RNF220: variants seen among roughly 807,000 people sequenced by gnomAD.
RNF220 encodes ring finger protein 220, also known as E3 ubiquitin-protein ligase RNF220.
RNF220 carries 7 observed loss-of-function variants against 67.1 expected under a neutral mutation model. The ratio of observed to expected loss-of-function variants is 0.10; its 90% CI spans 0.06 to 0.20. The LOEUF (loss-of-function observed/expected upper bound fraction) is 0.20. RNF220 is among the 10% of genes least tolerant of loss of function. The pLI is 1.00. For missense variants in RNF220, 565 were observed against 740.3 expected (o/e 0.76, Z 2.75); for synonymous variants, 270 against 283.2 (o/e 0.95, Z 0.47).
intron 2 of RNF220, among the ~76,000 whole-genome samples, chr1:44,490,994 A>G (rs12077680): frequency 0.027 from 4,082 of 152,302 alleles, 167 homozygotes; most frequent in African/African-American, 0.093. Context: ...AGATAAAATG[A>G]ACAAATTTCT....
At chr1:44,459,982 T>C (rs1367826973) in intron 2 of RNF220, among the ~76,000 whole-genome samples, 4 of 152,082 alleles carry the variant, frequency 2.6e-5, no homozygotes, top group African/African-American at 9.7e-5. Context: ...ATTAGTCTAT[T>C]TGAAAGATGA....
intron 2 of RNF220, among the ~76,000 whole-genome samples, chr1:44,432,018 T>C (rs538738407): frequency 2.0e-4 from 30 of 152,310 alleles, no homozygotes; most frequent in African/African-American, 7.2e-4. Context: ...CTCTGTAATA[T>C]TGGCTGCAAC....
At chr1:44,480,275 T>C (rs1655674286) in intron 2 of RNF220, among the ~76,000 whole-genome samples, 3 of 151,914 alleles carry the variant, frequency 2.0e-5, no homozygotes. Context: ...GGTGTGATGG[T>C]GCATGCCTGT....
At chr1:44,444,083 T>A (rs544712464) in intron 2 of RNF220, among the ~76,000 whole-genome samples, 4 of 152,238 alleles carry the variant, frequency 2.6e-5, no homozygotes, top group Non-Finnish European at 5.9e-5. Context: ...AGAGCAAGAC[T>A]CCGTCTCAAA....
chr1:44,425,194 A>C (rs187189310), intron 2 of RNF220, among the ~76,000 whole-genome samples: 229 of 152,260 alleles, frequency 1.5e-3, no homozygotes, highest in African/African-American at 5.4e-3. Flanking sequence ...GGGTACCTGC[A>C]CAGTAGGGGA....
intron 2 of RNF220, among the ~76,000 whole-genome samples, chr1:44,435,908 T>C (rs1650916959): frequency 6.6e-6 from 1 of 151,540 alleles, no homozygotes; most frequent in South Asian, 2.1e-4. Context: ...GGTGACAGAC[T>C]GAGACTCCAT....
In RNF220 at chr1:44,631,483, G is replaced by A. The variant is rs142065113; in HGVS notation, c.907-860G>A. 3.2e-3 allele frequency among the ~76,000 whole-genome samples: 482 copies of A among 152,346 alleles called. 4 individuals are homozygous for A. The highest frequency in any genetic ancestry group is 0.011 in the African/African-American group (467 of 41,580). On this transcript the variant is annotated intron_variant, in intron 5 of 14. Coordinates refer to ENST00000361799, the MANE Select transcript of RNF220 (RefSeq NM_018150.4). ...GGAAGGCCTCTGTTTGGAGGATACT[G>A]AGTTCCATGTTGGCCATGTTGGCCG...
At chr1:44,494,044 TA>T (rs1229064133) in intron 2 of RNF220, among the ~76,000 whole-genome samples, 1 of 151,784 alleles carries the variant, frequency 6.6e-6, no homozygotes, top group Non-Finnish European at 1.5e-5. Context: ...CCATCTCTAC[TA>T]AAAATACAAA....
rs530965143 is a variant in RNF220, at chr1:44,582,789, C to G, written c.626-31376C>G. On this transcript the variant is annotated intron_variant, in intron 2 of 14. Coordinates refer to ENST00000361799, the MANE Select transcript of RNF220 (RefSeq NM_018150.4). ...AAAAAAAAAAGGCACTTTGGGAGGC[C>G]GAGGCGGGTGGATCACCTGAGGTCA... 3.3e-4 allele frequency among the ~76,000 whole-genome samples: 50 copies of G among 149,368 alleles called. 1 individual carries two copies. The South Asian group carries it at 4.7e-3, about 14-fold the overall frequency.
At chr1:44,447,846 C>T (rs1652260822) in intron 2 of RNF220, among the ~76,000 whole-genome samples, 1 of 152,212 alleles carries the variant, frequency 6.6e-6, no homozygotes, top group African/African-American at 2.4e-5. Flanking sequence ...CTGCTTCATG[C>T]TGCCTGTGCT....
At chr1:44,601,454 T>A (rs907033581) in intron 2 of RNF220, among the ~76,000 whole-genome samples, 2 of 151,926 alleles carry the variant, frequency 1.3e-5, no homozygotes, top group African/African-American at 4.8e-5. Flanking sequence ...GAGGAAAGCA[T>A]GAGGAAGGGA....
intron 2 of RNF220, among the ~76,000 whole-genome samples, chr1:44,452,518 C>T (rs1652793994): frequency 6.6e-6 from 1 of 152,302 alleles, no homozygotes; most frequent in South Asian, 2.1e-4. Flanking sequence ...CGCGCCACTG[C>T]ACTCCAGCCT....
chr1:44,536,371 A>G (rs1661223223), intron 2 of RNF220, among the ~76,000 whole-genome samples: 2 of 152,336 alleles, frequency 1.3e-5, no homozygotes, highest in Middle Eastern at 3.4e-3. Context: ...ATTGCTTTGA[A>G]CTGGGCTACC....
intron 2 of RNF220, among the ~76,000 whole-genome samples, chr1:44,474,203 C>T (rs1032346587): frequency 7.9e-5 from 12 of 151,658 alleles, no homozygotes; most frequent in African/African-American, 1.2e-4. Flanking sequence ...GGTGAAACCC[C>T]GTCTCTACTA....
At chr1:44,499,323 C>T (rs1350992457) in intron 2 of RNF220, among the ~76,000 whole-genome samples, 2 of 152,196 alleles carry the variant, frequency 1.3e-5, no homozygotes, top group South Asian at 2.1e-4. Context: ...CACCCCCTCT[C>T]CTTTCATTCT....
At chr1:44,643,599 TGA>T in intron 8 of RNF220, 1 of 152,266 alleles carries the variant, frequency 6.6e-6, no homozygotes, top group East Asian at 1.9e-4. Context: ...CATACCCTAA[TGA>T]GAGTATAAGG....
chr1:44,508,214 G>A (rs1318069875), intron 2 of RNF220, among the ~76,000 whole-genome samples: 1 of 151,880 alleles, frequency 6.6e-6, no homozygotes, highest in Non-Finnish European at 1.5e-5. Flanking sequence ...CTGTTTCCTC[G>A]GGCCAGGCGG....
intron 2 of RNF220, among the ~76,000 whole-genome samples, chr1:44,415,392 T>G (rs1648418975): frequency 6.6e-6 from 1 of 151,448 alleles, no homozygotes; most frequent in African/African-American, 2.4e-5. Flanking sequence ...ATGGGGGCAG[T>G]GACGGGGTAT....
intron 3 of RNF220, among the ~76,000 whole-genome samples, chr1:44,617,920 C>T (rs1643629959): frequency 6.6e-6 from 1 of 152,020 alleles, no homozygotes. Context: ...CTGACTCCTC[C>T]CTCTTCTCTC....
Sources: allele counts gnomAD v4.1 joint callset (sites outside exome capture counted in the v4.1 genomes callset), GRCh38; gene constraint gnomAD v4.1.1; transcripts MANE v1.5; gene names NCBI Gene and HGNC (gene_info 2026-07-23, HGNC 2026-07-21).